CDH13: variants seen among roughly 807,000 people sequenced by gnomAD.
CDH13 encodes the protein cadherin 13, also known as cadherin-13.
In CDH13, 24 loss-of-function variants were observed where a neutral mutation model predicts 63.8. That is an observed-to-expected ratio of 0.38 (90% confidence interval 0.27 to 0.53). The LOEUF (loss-of-function observed/expected upper bound fraction) is 0.53. CDH13 is among the 20% of genes least tolerant of loss of function. CDH13 has a pLI of 0.85. For missense variants in CDH13, 1,049 were observed against 903.1 expected, an observed-to-expected ratio of 1.16 and a Z score of -2.07; for synonymous variants, 503 against 355.3, an observed-to-expected ratio of 1.42 and a Z score of -4.67.
chr16:83,331,141 C>G (rs949920996), intron 5 of CDH13, among the ~76,000 whole-genome samples: 4 of 152,116 alleles, frequency 2.6e-5, no homozygotes, highest in African/African-American at 9.7e-5. Flanking sequence ...GGACTTGGGC[C>G]TTAAAGTACA....
At position 83,732,090 on chromosome 16, in the gene CDH13, C is replaced by G. The variant is rs576958745; in HGVS notation, c.1539-16018C>G. ...ACACTGTGAGCCGGGTCCTAACTAG[C>G]CCTGAGGATAGCAGTGAACAAGACA... On this transcript the variant is annotated intron_variant, in intron 10 of 13. Coordinates refer to ENST00000567109, the MANE Select transcript of CDH13 (RefSeq NM_001257.5). Among the ~76,000 whole-genome samples, 7 of 152,286 alleles carry G rather than the reference C, an allele frequency of 4.6e-5. No individual in the cohort carries two copies. In the South Asian group the frequency reaches 8.3e-4, roughly 18 times the overall value.
At chr16:83,650,457 G>T (rs895808037) in intron 8 of CDH13, among the ~76,000 whole-genome samples, 4 of 152,172 alleles carry the variant, frequency 2.6e-5, no homozygotes, top group Non-Finnish European at 5.9e-5. Context: ...TGTCCTAGGG[G>T]AGCTTGTGGG....
At chr16:82,692,999 T>G (rs1328385018) in intron 1 of CDH13, among the ~76,000 whole-genome samples, 2 of 152,170 alleles carry the variant, frequency 1.3e-5, no homozygotes, top group Non-Finnish European at 1.5e-5. Context: ...CTTGTTAGAT[T>G]CTCTCTCTTG....
intron 1 of CDH13, among the ~76,000 whole-genome samples, chr16:82,683,948 C>T (rs1914809208): frequency 6.6e-6 from 1 of 152,166 alleles, no homozygotes. Flanking sequence ...GACACATTAA[C>T]CTTTGACTTG....
chr16:83,484,199 C>T (rs1477947931), intron 6 of CDH13, among the ~76,000 whole-genome samples: 2 of 152,072 alleles, frequency 1.3e-5, no homozygotes, highest in African/African-American at 4.8e-5. Flanking sequence ...AAAAAACTGG[C>T]TTTGATGATT....
At chr16:82,734,867 C>T (rs2033590339) in intron 1 of CDH13, among the ~76,000 whole-genome samples, 2 of 152,180 alleles carry the variant, frequency 1.3e-5, no homozygotes, top group South Asian at 2.1e-4. Context: ...GAGCCGAGGG[C>T]TGCCTGCTGA....
chr16:82,856,314 G>A (rs1315334052), intron 1 of CDH13, among the ~76,000 whole-genome samples: 5 of 149,880 alleles, frequency 3.3e-5, no homozygotes, highest in African/African-American at 4.9e-5. Flanking sequence ...GGCGGAGCTT[G>A]CAGTGAGCAG....
chr16:82,717,023 G>A (rs2032420438), intron 1 of CDH13, among the ~76,000 whole-genome samples: 1 of 152,062 alleles, frequency 6.6e-6, no homozygotes, highest in Non-Finnish European at 1.5e-5. Context: ...AATGAGCTGA[G>A]CTTGGCCAGA....
intron 5 of CDH13, among the ~76,000 whole-genome samples, chr16:83,334,361 T>TCTCACACACA (rs1272779883): frequency 2.9e-4 from 25 of 85,618 alleles, no homozygotes; most frequent in African/African-American, 9.9e-4. Flanking sequence ...TCTCTCTCTC[T>TCTCACACACA]CACACACACA....
chr16:83,617,474 TATA>T (rs1401311660), intron 8 of CDH13, among the ~76,000 whole-genome samples: 1 of 151,756 alleles, frequency 6.6e-6, no homozygotes, highest in Non-Finnish European at 1.5e-5. Flanking sequence ...TATTCTAATA[TATA>T]ATATCTATTG....
chr16:82,933,790 A>T (rs376025490), intron 2 of CDH13, among the ~76,000 whole-genome samples: 41 of 152,354 alleles, frequency 2.7e-4, no homozygotes, highest in African/African-American at 9.9e-4. Flanking sequence ...GCAAGTCTGA[A>T]ATCCAACAAG....
At chr16:83,511,418 C>T (rs113983848) in intron 7 of CDH13, among the ~76,000 whole-genome samples, 3,385 of 151,628 alleles carry the variant, frequency 0.022, 139 homozygotes, top group African/African-American at 0.075. Context: ...GCTGAGATCA[C>T]GCCACTGCAC....
At chr16:83,136,486 CAA>C (rs542700844) in intron 4 of CDH13, among the ~76,000 whole-genome samples, 15 of 61,520 alleles carry the variant, frequency 2.4e-4, no homozygotes, top group Admixed American at 3.4e-4. Flanking sequence ...ACTCTGTCTC[CAA>C]AAAAAAAAAA....
chr16:83,761,887 T>G lies in CDH13; in HGVS notation c.1681+13637T>G, dbSNP rs930159410. On this transcript the variant is annotated intron_variant, in intron 11 of 13. Coordinates refer to ENST00000567109, the MANE Select transcript of CDH13 (RefSeq NM_001257.5). ...TTCGATACCAGCCAGGCCAACATGG[T>G]GAAACCCCTTCTCTACTAAAAATAC... Among the ~76,000 whole-genome samples the G allele has an allele frequency of 2.6e-5, 4 of 152,022 alleles. No homozygotes were observed. The South Asian group carries it at 6.2e-4, about 24-fold the overall frequency.
At chr16:82,730,761 G>C (rs2033358717) in intron 1 of CDH13, among the ~76,000 whole-genome samples, 1 of 152,112 alleles carries the variant, frequency 6.6e-6, no homozygotes, top group Non-Finnish European at 1.5e-5. Context: ...AATCAAACAA[G>C]GTACACCTGA....
chr16:82,810,423 G>C (rs1315249738), intron 1 of CDH13, among the ~76,000 whole-genome samples: 3 of 152,092 alleles, frequency 2.0e-5, no homozygotes, highest in African/African-American at 7.2e-5. Context: ...CTAATCCTTG[G>C]GAACTTTAAT....
intron 3 of CDH13, among the ~76,000 whole-genome samples, chr16:83,034,870 C>T (rs1346533500): frequency 6.6e-6 from 1 of 152,120 alleles, no homozygotes; most frequent in Non-Finnish European, 1.5e-5. Context: ...CCCCTGAGTC[C>T]TGGCTGTTTC....
At chr16:83,568,242 G>A (rs1300763356) in intron 7 of CDH13, among the ~76,000 whole-genome samples, 1 of 152,182 alleles carries the variant, frequency 6.6e-6, no homozygotes, top group South Asian at 2.1e-4. Context: ...CAGAGCTGTC[G>A]AGATGAAAAA....
At chr16:82,734,722 C>T (rs2033581794) in intron 1 of CDH13, among the ~76,000 whole-genome samples, 1 of 152,218 alleles carries the variant, frequency 6.6e-6, no homozygotes, top group Non-Finnish European at 1.5e-5. Context: ...CTAGGAGCTT[C>T]AGAATTGACC....
Sources: gnomAD v4.1 joint callset for allele counts (sites outside exome capture counted in the v4.1 genomes callset) on GRCh38, gnomAD v4.1.1 for gene constraint, MANE v1.5 for transcripts, NCBI Gene and HGNC (gene_info 2026-07-23, HGNC 2026-07-21) for gene names.